The following OSBPL1A variants were observed in gnomAD, a reference collection of about 807,000 sequenced individuals.
OSBPL1A encodes the protein oxysterol binding protein like 1A, also known as oxysterol-binding protein-related protein 1.
In OSBPL1A, 80 loss-of-function variants were observed where a neutral mutation model predicts 137.1. That is an observed-to-expected ratio of 0.58 (90% CI 0.49 to 0.70). The LOEUF (loss-of-function observed/expected upper bound fraction) is 0.70, where lower values mean the gene tolerates loss of function less well. Among genes scored for constraint, OSBPL1A ranks in the 30% least tolerant of loss-of-function variants. The pLI is 0.00. For missense variants in OSBPL1A, 970 were observed against 1,129.4 expected, an observed-to-expected ratio of 0.86 and a Z score of 2.02; for synonymous variants, 365 against 389.7, an observed-to-expected ratio of 0.94 and a Z score of 0.75.
chr18:24,233,538 C>A (rs976288147), intron 16 of OSBPL1A, among the ~76,000 whole-genome samples: 7 of 152,188 alleles, frequency 4.6e-5, no homozygotes, highest in Non-Finnish European at 8.8e-5. Context: ...CTTCAACAAC[C>A]TGCATTCGAC....
At chr18:24,340,451 A>G (rs1201623336) in intron 5 of OSBPL1A, among the ~76,000 whole-genome samples, 4 of 152,100 alleles carry the variant, frequency 2.6e-5, no homozygotes, top group Admixed American at 1.3e-4. Context: ...AGATGGGAGG[A>G]TCGCTTGAGA....
intron 15 of OSBPL1A, 125 bp from the exon 16 acceptor site, chr18:24,239,507 T>C: frequency 1.1e-6 from 1 of 911,006 alleles, no homozygotes; most frequent in Middle Eastern, 3.0e-4. Context: ...AAAACAGTCG[T>C]GTCACATGTG....
At chr18:24,306,773 T>C (rs887423225) in intron 13 of OSBPL1A, among the ~76,000 whole-genome samples, 1 of 152,216 alleles carries the variant, frequency 6.6e-6, no homozygotes, top group African/African-American at 2.4e-5. Context: ...TACATCAAAT[T>C]GAAGACATAA....
intron 1 of OSBPL1A, among the ~76,000 whole-genome samples, chr18:24,388,729 G>A (rs908624679): frequency 3.2e-4 from 48 of 150,016 alleles, no homozygotes; most frequent in Non-Finnish European, 6.5e-4. Flanking sequence ...GAACCCAGGA[G>A]GTGGAGGCTG....
chr18:24,363,593 T>C (rs1189862840), intron 4 of OSBPL1A, among the ~76,000 whole-genome samples: 5 of 149,928 alleles, frequency 3.3e-5, no homozygotes, highest in Non-Finnish European at 5.9e-5. Context: ...ATTACAGGAG[T>C]ATGCCACCAC....
At chr18:24,313,720 T>G (rs2090667914) in intron 12 of OSBPL1A, among the ~76,000 whole-genome samples, 1 of 152,148 alleles carries the variant, frequency 6.6e-6, no homozygotes, top group African/African-American at 2.4e-5. Context: ...GAATTAAAAT[T>G]GAAAAACAAA....
At chr18:24,317,610 T>C (rs182217013) in intron 9 of OSBPL1A, among the ~76,000 whole-genome samples, 2 of 152,292 alleles carry the variant, frequency 1.3e-5, no homozygotes, top group East Asian at 3.9e-4. Context: ...AGAAATGCCA[T>C]ACTGATAAGA....
chr18:24,211,257 C>T (rs992656170), intron 17 of OSBPL1A, among the ~76,000 whole-genome samples: 3 of 152,068 alleles, frequency 2.0e-5, no homozygotes, highest in East Asian at 1.9e-4. Context: ...CATAAGCCAC[C>T]GCACCCAGCC....
At chr18:24,287,091 G>C (rs2090078041) in intron 14 of OSBPL1A, among the ~76,000 whole-genome samples, 1 of 152,158 alleles carries the variant, frequency 6.6e-6, no homozygotes, top group Non-Finnish European at 1.5e-5. Context: ...AAACAGGAGA[G>C]AAGCCAGCAG....
chr18:24,191,728 T>C (rs1003695111), intron 18 of OSBPL1A, among the ~76,000 whole-genome samples: 1 of 152,140 alleles, frequency 6.6e-6, no homozygotes, highest in Non-Finnish European at 1.5e-5. Context: ...CCTCAGAGAT[T>C]AAAACAATTG....
At chr18:24,212,073 C>CT (rs552495662) in intron 17 of OSBPL1A, among the ~76,000 whole-genome samples, 22,208 of 146,554 alleles carry the variant, frequency 0.15, 1,824 homozygotes, top group Middle Eastern at 0.3. Context: ...GCTTCAGAAA[C>CT]TTTTTTTTTT....
Position 24,165,049 on chromosome 18 carries a change from T to G in OSBPL1A, c.2750+16A>C. ...TGCCTGAGGGCTCAGCCACACCCCCTGACTCAGGCACGCACCTCGTCTTCC... is the reference window on the plus strand; with the variant it reads ...TGCCTGAGGGCTCAGCCACACCCCCGGACTCAGGCACGCACCTCGTCTTCC... On this transcript the variant is annotated intron_variant, in intron 27 of 27. Transcript: ENST00000319481. The G allele has an allele frequency of 6.2e-7, 1 of 1,613,854 alleles. No homozygotes were observed. Among genetic ancestry groups the G allele is most frequent in the Admixed American group, 1.7e-5 (1 of 60,006 alleles).
At chr18:24,389,341 C>T (rs955342681) in intron 1 of OSBPL1A, among the ~76,000 whole-genome samples, 1 of 152,168 alleles carries the variant, frequency 6.6e-6, no homozygotes, top group Non-Finnish European at 1.5e-5. Flanking sequence ...TGTTTTCTCT[C>T]CTCCAAGGTC....
intron 4 of OSBPL1A, among the ~76,000 whole-genome samples, chr18:24,344,575 T>G (rs980250611): frequency 6.6e-5 from 10 of 152,148 alleles, no homozygotes; most frequent in Non-Finnish European, 1.3e-4. Flanking sequence ...AAATATTGTG[T>G]AGGGAGCAGG....
chr18:24,284,385 T>C (rs2090028028), intron 14 of OSBPL1A, among the ~76,000 whole-genome samples: 1 of 152,198 alleles, frequency 6.6e-6, no homozygotes, highest in African/African-American at 2.4e-5. Flanking sequence ...TCTGATGCTG[T>C]TGATTTTCAG....
chr18:24,171,980 A>T (rs959345514), intron 22 of OSBPL1A, among the ~76,000 whole-genome samples: 5 of 147,534 alleles, frequency 3.4e-5, no homozygotes, highest in Non-Finnish European at 7.4e-5. Context: ...TTGCTCTGTC[A>T]TCCAGGCTAA....
At chr18:24,344,967 C>G (rs1027830084) in intron 4 of OSBPL1A, among the ~76,000 whole-genome samples, 20 of 151,774 alleles carry the variant, frequency 1.3e-4, no homozygotes, top group Non-Finnish European at 2.8e-4. Context: ...GCATGTGCCA[C>G]CATGTCTGGC....
intron 2 of OSBPL1A, among the ~76,000 whole-genome samples, chr18:24,370,184 G>T (rs1905512809): frequency 1.3e-5 from 2 of 152,302 alleles, no homozygotes; most frequent in South Asian, 4.1e-4. Context: ...CTGCACCGCT[G>T]CATTCCAGCC....
chr18:24,180,836 C>T lies in OSBPL1A; in HGVS notation c.1812+309G>A, dbSNP rs575386242. ...AGCTTGCCGTGAGCCGAGATTGCAC[C>T]ACTGCACTCCAGCCTGGGCGACAGA... On this transcript the variant is annotated intron_variant, in intron 19 of 27. Coordinates refer to ENST00000319481, the MANE Select transcript of OSBPL1A (RefSeq NM_080597.4). Among the ~76,000 whole-genome samples the T allele has an allele frequency of 6.6e-5, 10 of 152,258 alleles. No individual in the cohort carries two copies. In the South Asian group the frequency reaches 2.1e-3, roughly 32 times the overall value.
Sources: gnomAD v4.1 joint callset for allele counts (sites outside exome capture counted in the v4.1 genomes callset) on GRCh38, gnomAD v4.1.1 for gene constraint, MANE v1.5 for transcripts, NCBI Gene and HGNC (gene_info 2026-07-23, HGNC 2026-07-21) for gene names.